Variants in RBFOX1 observed in about 807,000 individuals in gnomAD.
RBFOX1 encodes RNA binding fox-1 homolog 1, also known as RNA binding protein fox-1 homolog 1.
Under a neutral mutation model 57.7 loss-of-function variants are expected in RBFOX1, and 8 were observed. The observed-to-expected ratio is 0.14, with a 90% confidence interval of 0.08 to 0.25. The LOEUF is 0.25. Ranked by LOEUF, RBFOX1 falls within the 10% of genes least tolerant of loss-of-function variation. RBFOX1 has a pLI of 1.00. For missense variants in RBFOX1, 611 were observed against 548.5 expected (o/e 1.11, Z -1.14); for synonymous variants, 326 against 222.4 (o/e 1.47, Z -4.15).
At chr16:6,873,193 G>A (rs2061253711) in intron 3 of RBFOX1, among the ~76,000 whole-genome samples, 1 of 151,216 alleles carries the variant, frequency 6.6e-6, no homozygotes, top group Admixed American at 6.6e-5. Context: ...GAATAAACGA[G>A]GAGTAGAGAT....
chr16:6,387,471 G>A (rs374007607), intron 2 of RBFOX1, among the ~76,000 whole-genome samples: 88 of 129,956 alleles, frequency 6.8e-4, no homozygotes, highest in East Asian at 9.0e-4. Flanking sequence ...ACTTGATTAG[G>A]AAAAAAAAAA....
At chr16:5,991,402 C>A (rs909481189) in intron 4 of RBFOX1, among the ~76,000 whole-genome samples, 2 of 152,064 alleles carry the variant, frequency 1.3e-5, no homozygotes, top group Non-Finnish European at 1.5e-5. Context: ...GCTGTGAGCA[C>A]GTAGAAGGAA....
intron 4 of RBFOX1, among the ~76,000 whole-genome samples, chr16:7,091,491 C>T (rs1475405644): frequency 1.3e-5 from 2 of 151,702 alleles, no homozygotes; most frequent in African/African-American, 2.4e-5. Context: ...TGCCAGGCGG[C>T]AGCATCTCTC....
At chr16:5,449,999 G>A (rs528907493) in intron 1 of RBFOX1, among the ~76,000 whole-genome samples, 1 of 152,260 alleles carries the variant, frequency 6.6e-6, no homozygotes, top group Admixed American at 6.5e-5. Context: ...AATAATAATA[G>A]CACCTATCAT....
intron 1 of RBFOX1, among the ~76,000 whole-genome samples, chr16:5,251,070 C>T (rs1342677774): frequency 6.6e-6 from 1 of 152,140 alleles, no homozygotes; most frequent in Non-Finnish European, 1.5e-5. Flanking sequence ...ACCTCGGTGT[C>T]CTGGGGTGGG....
chr16:5,598,454 G>A (rs1376612593), intron 2 of RBFOX1, among the ~76,000 whole-genome samples: 4 of 151,778 alleles, frequency 2.6e-5, no homozygotes, highest in Admixed American at 1.3e-4. Flanking sequence ...AAAAAGAAAC[G>A]GATGAGATTA....
At chr16:7,669,442 A>G (rs1481845090) in intron 13 of RBFOX1, among the ~76,000 whole-genome samples, 1 of 152,252 alleles carries the variant, frequency 6.6e-6, no homozygotes, top group East Asian at 1.9e-4. Context: ...GTGAGGTGTG[A>G]CAATGGTAAG....
At chr16:7,223,583 A>C (rs1445110468) in intron 4 of RBFOX1, among the ~76,000 whole-genome samples, 1 of 152,274 alleles carries the variant, frequency 6.6e-6, no homozygotes, top group African/African-American at 2.4e-5. Context: ...AGGAGATCCA[A>C]CTCACATCCA....
chr16:5,513,704 G>T (rs1006639507), intron 2 of RBFOX1, among the ~76,000 whole-genome samples: 3 of 152,060 alleles, frequency 2.0e-5, no homozygotes, highest in Non-Finnish European at 4.4e-5. Context: ...GATATTTATT[G>T]TATGCTTTGA....
chr16:5,588,468 C>T (rs150307861), intron 2 of RBFOX1, among the ~76,000 whole-genome samples: 174 of 152,258 alleles, frequency 1.1e-3, no homozygotes, highest in Non-Finnish European at 7.9e-4. Flanking sequence ...ATAGTAAATG[C>T]GCAATTAAGT....
At position 7,579,833 on chromosome 16, in the gene RBFOX1, C is replaced by T. The variant is rs1406238959; in HGVS notation, c.327C>T (p.Asn109=). 2 of 1,614,108 alleles carry T rather than the reference C, an allele frequency of 1.2e-6. No individual in the cohort carries two copies. Among genetic ancestry groups the T allele is most frequent in the Admixed American group, 1.7e-5 (1 of 60,014 alleles). Residue 109 remains asparagine, a synonymous_variant, in exon 6 of 16, where the codon AAC becomes AAT. Transcript: ENST00000550418. ...AGCCCCAGACACAACCTTCTGAAAACACGGAAAACAAGTCTCAGCCCAAGC... is the reference window on the plus strand; with the variant it reads ...AGCCCCAGACACAACCTTCTGAAAATACGGAAAACAAGTCTCAGCCCAAGC... ...DGQPQTQPSE[N]TENKSQPKRL...
chr16:7,350,352 G>T (rs1181324744), intron 4 of RBFOX1, among the ~76,000 whole-genome samples: 1 of 152,136 alleles, frequency 6.6e-6, no homozygotes, highest in Non-Finnish European at 1.5e-5. Flanking sequence ...TGACCGGATG[G>T]TCAGTATGGC....
chr16:6,609,762 C>T (rs7199296), intron 2 of RBFOX1, among the ~76,000 whole-genome samples: 100,678 of 151,884 alleles, frequency 0.66, 33,975 homozygotes, highest in Admixed American at 0.74. Flanking sequence ...GTAATGCTAG[C>T]ACTTTGGGAG....
chr16:6,792,055 C>T (rs191332742), intron 3 of RBFOX1, among the ~76,000 whole-genome samples: 3 of 152,012 alleles, frequency 2.0e-5, no homozygotes, highest in African/African-American at 4.8e-5. Context: ...TTGCGTTTCA[C>T]GAACTATCAC....
intron 14 of RBFOX1, among the ~76,000 whole-genome samples, chr16:7,696,959 C>G (rs908563663): frequency 1.1e-4 from 16 of 152,178 alleles, no homozygotes; most frequent in African/African-American, 3.9e-4. Context: ...GATATGAGTA[C>G]AGGTGAGTTT....
chr16:6,911,641 G>A (rs2071630408), intron 3 of RBFOX1, among the ~76,000 whole-genome samples: 1 of 152,132 alleles, frequency 6.6e-6, no homozygotes, highest in Non-Finnish European at 1.5e-5. Flanking sequence ...TAAGGGGTTG[G>A]GCTTCAACAT....
chr16:5,535,565 G>C (rs915879111), intron 2 of RBFOX1, among the ~76,000 whole-genome samples: 1 of 152,144 alleles, frequency 6.6e-6, no homozygotes, highest in Non-Finnish European at 1.5e-5. Flanking sequence ...CTGTTTTGCA[G>C]CTCTAAACTT....
At chr16:7,245,067 G>C (rs1813367711) in intron 4 of RBFOX1, among the ~76,000 whole-genome samples, 1 of 152,134 alleles carries the variant, frequency 6.6e-6, no homozygotes, top group Non-Finnish European at 1.5e-5. Context: ...GTTTACCTAA[G>C]AGAGTCTGAA....
intron 1 of RBFOX1, among the ~76,000 whole-genome samples, chr16:6,033,246 A>G (rs2095315805): frequency 1.3e-5 from 2 of 152,226 alleles, no homozygotes; most frequent in Admixed American, 6.5e-5. Context: ...GCCAGCATGT[A>G]GTGCAAGAGA....
Sources: allele counts gnomAD v4.1 joint callset (sites outside exome capture counted in the v4.1 genomes callset), GRCh38; gene constraint gnomAD v4.1.1; transcripts MANE v1.5; gene names NCBI Gene and HGNC (gene_info 2026-07-23, HGNC 2026-07-21).